Variants in NCAM1 observed in about 807,000 individuals in gnomAD.
The protein encoded by NCAM1 is neural cell adhesion molecule 1.
In NCAM1, 14 loss-of-function variants were observed where a neutral mutation model predicts 109.8. The observed-to-expected ratio is 0.13, with a 90% CI of 0.08 to 0.20. The LOEUF is 0.20. NCAM1 is among the 10% of genes least tolerant of loss of function. NCAM1 has a pLI of 1.00. For missense variants in NCAM1, 774 were observed against 1,109.9 expected (o/e 0.70, Z 4.30); for synonymous variants, 418 against 442.9 (o/e 0.94, Z 0.70).
In NCAM1 at chr11:113,258,517, AAG is replaced by A. The variant is rs556411729; in HGVS notation, c.1954-1623_1954-1622del. On this transcript the variant is annotated intron_variant, in intron 16 of 19. Transcript: ENST00000316851. ...AAGATCATGAGAGGAGGAGAAGACAAAGAGAGATTGATTGATGGAAACAAATA... is the reference window on the plus strand; with the variant it reads ...AAGATCATGAGAGGAGGAGAAGACAAAGAGATTGATTGATGGAAACAAATA... Among the ~76,000 whole-genome samples the A allele has an allele frequency of 1.5e-3, 232 of 152,286 alleles. 1 individual carries two copies. Among genetic ancestry groups the A allele is most frequent in the African/African-American group, 4.9e-3 (204 of 41,520 alleles).
chr11:113,104,019 G>C (rs1187799262), intron 1 of NCAM1, among the ~76,000 whole-genome samples: 1 of 151,994 alleles, frequency 6.6e-6, no homozygotes, highest in Non-Finnish European at 1.5e-5. Flanking sequence ...GGGAAACCCT[G>C]GGTTGGATGC....
chr11:113,000,562 G>T (rs546482331), intron 1 of NCAM1, among the ~76,000 whole-genome samples: 1 of 152,040 alleles, frequency 6.6e-6, no homozygotes, highest in Admixed American at 6.6e-5. Flanking sequence ...ATTAAATATG[G>T]TGAATTCAGG....
intron 1 of NCAM1, among the ~76,000 whole-genome samples, chr11:113,025,778 C>CGAGAGAGAGAGAGAGAGA (rs199893109): frequency 1.7e-5 from 2 of 118,812 alleles, no homozygotes; most frequent in Non-Finnish European, 3.5e-5. Context: ...CACAGGGAGC[C>CGAGAGAGAGAGAGAGAGA]GAGAGAGAGA....
Position 112,962,032 on chromosome 11 carries a change from C to T in NCAM1, c.52+368C>T, listed in dbSNP as rs534768103. Among the ~76,000 whole-genome samples, 4 of 152,206 alleles carry T rather than the reference C, an allele frequency of 2.6e-5. No homozygotes were observed. In the East Asian group the frequency reaches 7.8e-4, roughly 30 times the overall value. Reference sequence around the variant, plus strand: ...GCGGGCGGCGGGGCGGGGGAGGTCGCGGCTCGGGTGGTGCCGCCGCACGGG... The same window carrying T: ...GCGGGCGGCGGGGCGGGGGAGGTCGTGGCTCGGGTGGTGCCGCCGCACGGG... On this transcript the variant is annotated intron_variant, in intron 1 of 19. Coordinates refer to ENST00000316851, the MANE Select transcript of NCAM1 (RefSeq NM_181351.5). This position sits in a 1 kb window ranked among gnomAD's most constrained non-coding sequence, Gnocchi z 5.6.
chr11:113,038,139 C>T (rs1952952534), intron 1 of NCAM1, among the ~76,000 whole-genome samples: 1 of 152,162 alleles, frequency 6.6e-6, no homozygotes, highest in Admixed American at 6.5e-5. Context: ...AAAATGAAGT[C>T]CAGGTTTCTT....
chr11:113,110,381 T>G (rs1014845595), intron 1 of NCAM1, among the ~76,000 whole-genome samples: 1 of 152,220 alleles, frequency 6.6e-6, no homozygotes, highest in Non-Finnish European at 1.5e-5. Context: ...CATCTATGAT[T>G]GCTTGGCCTC....
intron 1 of NCAM1, among the ~76,000 whole-genome samples, chr11:113,000,817 CATATATATATATAT>C (rs375984527): frequency 1.5e-5 from 2 of 129,458 alleles, no homozygotes; most frequent in Admixed American, 7.8e-5. Flanking sequence ...ATTATATATA[CATATATATATATAT>C]ATATATATAT....
chr11:113,168,471 A>G (rs940261742), intron 1 of NCAM1, among the ~76,000 whole-genome samples: 3 of 151,986 alleles, frequency 2.0e-5, no homozygotes, highest in Non-Finnish European at 2.9e-5. Flanking sequence ...ACACATTTCC[A>G]CCTAATGTGC....
At chr11:113,206,015 G>A (rs1565498671) in intron 4 of NCAM1, 28 bp from the exon 5 acceptor site, 1 of 1,613,416 alleles carries the variant, frequency 6.2e-7, no homozygotes, top group Non-Finnish European at 8.5e-7. Context: ...ACTGATTCTT[G>A]GATGAACCTG....
chr11:113,023,024 C>A (rs1952435266), intron 1 of NCAM1, among the ~76,000 whole-genome samples: 1 of 152,164 alleles, frequency 6.6e-6, no homozygotes, highest in African/African-American at 2.4e-5. Flanking sequence ...AGGCTTTTAG[C>A]TGAGTAGCAG....
At chr11:112,967,115 T>C (rs1950747933) in intron 1 of NCAM1, among the ~76,000 whole-genome samples, 1 of 152,204 alleles carries the variant, frequency 6.6e-6, no homozygotes, top group South Asian at 2.1e-4. Flanking sequence ...TCTGAGGACT[T>C]TTTGATTTGT....
chr11:113,033,589 A>T (rs907810908), intron 1 of NCAM1, among the ~76,000 whole-genome samples: 2 of 152,190 alleles, frequency 1.3e-5, no homozygotes, highest in African/African-American at 4.8e-5. Flanking sequence ...CAGAGGATTT[A>T]AAAAAATCAT....
At chr11:113,041,456 C>T (rs1302065155) in intron 1 of NCAM1, among the ~76,000 whole-genome samples, 1 of 149,204 alleles carries the variant, frequency 6.7e-6, no homozygotes, top group South Asian at 2.1e-4. Context: ...TCTTTATAGC[C>T]TTGGGTAGCA....
Position 113,271,969 on chromosome 11 carries a change from G to T in NCAM1, c.2456+93G>T. On this transcript the variant is annotated intron_variant, in intron 19 of 19. Coordinates refer to ENST00000316851, the MANE Select transcript of NCAM1 (RefSeq NM_181351.5). The stretch of plus-strand genomic sequence containing the variant: ...CCCACCTCCCGTGCCCCTACCCACA[G>T]CTCCCGGCCAAACAGTTCAGGCCAG... 5 of 879,680 alleles carry T rather than the reference G, an allele frequency of 5.7e-6. No homozygotes were observed. In the South Asian group the frequency reaches 8.6e-5, roughly 15 times the overall value. The allele number at this position is 879,680 out of a possible 1,614,324, so 54.5% of individuals were successfully genotyped here.
At chr11:113,023,505 A>T (rs1952453553) in intron 1 of NCAM1, among the ~76,000 whole-genome samples, 1 of 152,226 alleles carries the variant, frequency 6.6e-6, no homozygotes, top group Admixed American at 6.5e-5. Flanking sequence ...CATCTCCAGG[A>T]ATAAAAAACA....
At chr11:113,024,255 G>C (rs549841862) in intron 1 of NCAM1, among the ~76,000 whole-genome samples, 1 of 152,170 alleles carries the variant, frequency 6.6e-6, no homozygotes, top group Non-Finnish European at 1.5e-5. Context: ...CAAAGTTAGG[G>C]TAATTTGTGA....
At chr11:113,084,465 G>A (rs528530858) in intron 1 of NCAM1, among the ~76,000 whole-genome samples, 1 of 152,298 alleles carries the variant, frequency 6.6e-6, no homozygotes, top group African/African-American at 2.4e-5. Context: ...CTCACTGACA[G>A]TTGAACTGAC....
chr11:113,069,210 A>G (rs1427501723), intron 1 of NCAM1, among the ~76,000 whole-genome samples: 2 of 152,142 alleles, frequency 1.3e-5, no homozygotes, highest in Non-Finnish European at 2.9e-5. Flanking sequence ...AGATGTCTAG[A>G]GAAAACGAGG....
At chr11:112,985,252 T>C (rs1951267995) in intron 1 of NCAM1, among the ~76,000 whole-genome samples, 3 of 115,606 alleles carry the variant, frequency 2.6e-5, no homozygotes, top group Non-Finnish European at 1.8e-5. Flanking sequence ...GGTCTATGTA[T>C]CTTTTTTTTT....
Sources: allele counts gnomAD v4.1 joint callset (sites outside exome capture counted in the v4.1 genomes callset), GRCh38; gene constraint gnomAD v4.1.1; non-coding constraint Gnocchi (gnomAD v3.1); transcripts MANE v1.5; gene names NCBI Gene and HGNC (gene_info 2026-07-23, HGNC 2026-07-21).